The following IL26 variants were observed in gnomAD, a reference collection of about 807,000 sequenced individuals.
IL26 encodes interleukin-26.
In IL26, 23 loss-of-function variants were observed where a neutral mutation model predicts 21.7. That is an observed-to-expected ratio of 1.06 (90% CI 0.76 to 1.50). IL26 has a LOEUF of 1.50. IL26 is among the 40% of genes most tolerant of loss of function. IL26 has a pLI of 0.00. For missense variants in IL26, 204 were observed against 196.0 expected (o/e 1.04, Z -0.24); for synonymous variants, 63 against 67.8 (o/e 0.93, Z 0.34).
chr12:68,209,237 G>A (rs957848059), intron 3 of IL26, among the ~76,000 whole-genome samples: 1 of 152,198 alleles, frequency 6.6e-6, no homozygotes, highest in African/African-American at 2.4e-5. Context: ...GACAGTTTGA[G>A]AGAGAAAGTG....
At chr12:68,214,297 A>G (rs1055823817) in intron 3 of IL26, among the ~76,000 whole-genome samples, 2 of 152,174 alleles carry the variant, frequency 1.3e-5, no homozygotes, top group Admixed American at 1.3e-4. Flanking sequence ...AGAATGTTCC[A>G]TGTGCTGATG....
chr12:68,210,316 A>C (rs1868674265), intron 3 of IL26, among the ~76,000 whole-genome samples: 1 of 135,802 alleles, frequency 7.4e-6, no homozygotes, highest in African/African-American at 2.7e-5. Flanking sequence ...AAAATAGACT[A>C]AATAAATAAA....
chr12:68,223,885 T>G (rs1282647410), intron 3 of IL26, among the ~76,000 whole-genome samples: 3 of 77,158 alleles, frequency 3.9e-5, no homozygotes, highest in East Asian at 4.6e-4. Flanking sequence ...AATTTGGTGG[T>G]TTTTTTTTTT....
chr12:68,213,698 T>A (rs1438717750), intron 3 of IL26, among the ~76,000 whole-genome samples: 1 of 152,136 alleles, frequency 6.6e-6, no homozygotes, highest in African/African-American at 2.4e-5. Flanking sequence ...AATAGTTATT[T>A]GTATTTCTGT....
intron 3 of IL26, among the ~76,000 whole-genome samples, chr12:68,215,869 A>T (rs1868861433): frequency 1.3e-5 from 2 of 151,556 alleles, no homozygotes; most frequent in African/African-American, 2.4e-5. Flanking sequence ...TTTTTAGTAG[A>T]GACAGGGTTT....
chr12:68,209,239 G>C (rs1294254493), intron 3 of IL26, among the ~76,000 whole-genome samples: 1 of 152,200 alleles, frequency 6.6e-6, no homozygotes, highest in South Asian at 2.1e-4. Flanking sequence ...CAGTTTGAGA[G>C]AGAAAGTGAG....
intron 3 of IL26, among the ~76,000 whole-genome samples, chr12:68,215,111 G>T (rs1868839257): frequency 6.6e-6 from 1 of 152,070 alleles, no homozygotes; most frequent in South Asian, 2.1e-4. Context: ...AAAATAAAAA[G>T]GGACTAGAAA....
Position 68,208,965 on chromosome 12 carries a change from A to C in IL26, c.364-6882T>G, listed in dbSNP as rs11571041. Among the ~76,000 whole-genome samples the C allele has an allele frequency of 4.6e-3, 696 of 152,336 alleles. 5 individuals carry two copies. The highest frequency in any genetic ancestry group is 0.039 in the South Asian group (188 of 4,832). On this transcript the variant is annotated intron_variant, in intron 3 of 4. Coordinates refer to ENST00000229134, the MANE Select transcript of IL26 (RefSeq NM_018402.2). Reference sequence around the variant, plus strand: ...TCGACTTACTGCCTCAGGGTCCACAAGCCTACTTGTTTCTTAAAAATTTGA... The same window carrying C: ...TCGACTTACTGCCTCAGGGTCCACACGCCTACTTGTTTCTTAAAAATTTGA...
In IL26 at chr12:68,210,512, A is replaced by G. The variant is rs140880042; in HGVS notation, c.364-8429T>C. The stretch of plus-strand genomic sequence containing the variant: ...TGATTAGATTTACAAGCAAGTTTTC[A>G]TGAAAGTAGAAAAGAGGGACTAAAT... On this transcript the variant is annotated intron_variant, in intron 3 of 4. Coordinates refer to ENST00000229134, the MANE Select transcript of IL26 (RefSeq NM_018402.2). Among the ~76,000 whole-genome samples the G allele has an allele frequency of 5.2e-3, 799 of 152,230 alleles. 7 individuals carry two copies. The highest frequency in any genetic ancestry group is 0.018 in the African/African-American group (750 of 41,574).
chr12:68,201,936 A>G lies in IL26; in HGVS notation c.430-5T>C. ...GTAGATTCCTTTGTTTCCAATCTGC[A>G]GATAAAGTACAGATATAAGAGAATA... On this transcript the variant is annotated splice_polypyrimidine_tract_variant and splice_region_variant and intron_variant, in intron 4 of 4. Coordinates refer to ENST00000229134, the MANE Select transcript of IL26 (RefSeq NM_018402.2). 1 of 1,592,948 alleles carries G rather than the reference A, an allele frequency of 6.3e-7. No homozygotes were observed. Among genetic ancestry groups the G allele is most frequent in the Non-Finnish European group, 8.5e-7 (1 of 1,170,420 alleles).
Position 68,225,549 on chromosome 12 carries a change from C to T in IL26, c.171+37G>A, listed in dbSNP as rs567537953. 4 of 1,610,666 alleles carry T rather than the reference C, an allele frequency of 2.5e-6. No individual in the cohort carries two copies. The Admixed American group carries it at 5.0e-5, about 20-fold the overall frequency. On this transcript the variant is annotated intron_variant, in intron 1 of 4. Coordinates refer to ENST00000229134, the MANE Select transcript of IL26 (RefSeq NM_018402.2). ...AGTTGTATCCAAGATTGTAAATGTC[C>T]TTGAGGTCATGATTTTAAGCAGAGC... is the stretch of plus-strand genomic sequence containing the variant.
intron 3 of IL26, among the ~76,000 whole-genome samples, chr12:68,218,797 C>A (rs2120464754): frequency 6.6e-6 from 1 of 151,800 alleles, no homozygotes. Context: ...TTGCTTAAAA[C>A]AAGTAATAAT....
At chr12:68,202,263 A>T (rs755999492) in intron 3 of IL26, among the ~76,000 whole-genome samples, 180 bp from the exon 4 acceptor site, 7 of 151,874 alleles carry the variant, frequency 4.6e-5, no homozygotes, top group Non-Finnish European at 1.0e-4. Context: ...GGGAAAGCAG[A>T]TGACAAATAA....
intron 3 of IL26, among the ~76,000 whole-genome samples, chr12:68,217,299 A>G (rs535178498): frequency 1.3e-5 from 2 of 152,316 alleles, no homozygotes; most frequent in Admixed American, 1.3e-4. Context: ...AAGAAAACGG[A>G]CTTGCAAGGA....
chr12:68,225,331 T>C, intron 2 of IL26, 48 bp from the exon 3 acceptor site: 1 of 1,576,534 alleles, frequency 6.3e-7, no homozygotes, highest in Non-Finnish European at 8.6e-7. Context: ...ATGAATCGTT[T>C]TTTAATGTCC....
intron 3 of IL26, among the ~76,000 whole-genome samples, chr12:68,223,906 T>G (rs931854238): frequency 2.8e-5 from 4 of 141,542 alleles, no homozygotes; most frequent in Non-Finnish European, 6.4e-5. Context: ...TTTTTTTGCT[T>G]GTTTTTTTCT....
chr12:68,217,394 A>G (rs1229301847), intron 3 of IL26, among the ~76,000 whole-genome samples: 2 of 152,210 alleles, frequency 1.3e-5, no homozygotes, highest in Non-Finnish European at 2.9e-5. Context: ...TGAAACAGAG[A>G]AAATGACAAC....
intron 3 of IL26, among the ~76,000 whole-genome samples, chr12:68,208,611 TC>T (rs1868613807): frequency 6.6e-6 from 1 of 152,118 alleles, no homozygotes; most frequent in South Asian, 2.1e-4. Flanking sequence ...CAAGCAATAC[TC>T]CTGCCTCAGC....
intron 3 of IL26, among the ~76,000 whole-genome samples, chr12:68,220,950 T>G (rs1000969704): frequency 2.0e-5 from 3 of 152,192 alleles, no homozygotes; most frequent in African/African-American, 4.8e-5. Context: ...TTCTTATATA[T>G]TCTCCCTTGT....
Sources: gnomAD v4.1 joint callset for allele counts (sites outside exome capture counted in the v4.1 genomes callset) on GRCh38, gnomAD v4.1.1 for gene constraint, MANE v1.5 for transcripts, NCBI Gene and HGNC (gene_info 2026-07-23, HGNC 2026-07-21) for gene names.